TPRN: variants seen among roughly 807,000 people sequenced by gnomAD.
TPRN encodes the protein chromosome 9 open reading frame 75.
In TPRN, 32 loss-of-function variants were observed where a neutral mutation model predicts 42.6. The ratio of observed to expected loss-of-function variants is 0.75; its 90% CI spans 0.57 to 1.01. The LOEUF is 1.01. Among genes scored for constraint, TPRN ranks in the 50% least tolerant of loss-of-function variants. The pLI is 0.00. For synonymous variants in TPRN, 541 were observed against 445.6 expected (o/e 1.21, Z -2.70); for missense variants, 1,095 against 957.5 (o/e 1.14, Z -1.90).
At chr9:137,198,370 C>T (rs1210254539) in intron 1 of TPRN, among the ~76,000 whole-genome samples, 2 of 152,218 alleles carry the variant, frequency 1.3e-5, no homozygotes, top group Admixed American at 6.5e-5. Context: ...TCCGAAGGCC[C>T]CTTCTCCCCA....
In TPRN at chr9:137,200,175, C is replaced by A. The variant is rs1281710603; in HGVS notation, c.537G>T (p.Ala179=). 6.4e-6 allele frequency: 7 copies of A among 1,098,952 alleles called. No individual in the cohort carries two copies. In the African/African-American group the frequency reaches 1.0e-4, roughly 16 times the overall value. 68.1% of individuals were successfully genotyped at this position (1,098,952 alleles called of 1,614,324 possible). Residue 179 remains alanine (A), a synonymous_variant, in exon 1 of 4, where the codon GCG becomes GCT. Coordinates refer to ENST00000409012, the MANE Select transcript of TPRN (RefSeq NM_001128228.3). The surrounding 1 kb of genome is among the most constrained non-coding windows in gnomAD (Gnocchi z 4.3). ...TCGCCCCGCCACCGCGGGGCCCGGG[C>A]GCGGCGGGCGGGCTGGGGGCCGCGG... ...PPPAAPSPPA[A]PGPRGGGASP...
In TPRN at chr9:137,199,641, G is replaced by C; in HGVS notation, c.1071C>G (p.Asp357Glu). ...GRQSVELPKG[D>E]LGPASPSQEL... is the part of the protein sequence containing the mutation. ...CCTGGCTCGGGGAGGCCGGGCCCAG[G>C]TCTCCCTTTGGCAGCTCCACGGACT... Residue 357 changes from aspartate to glutamate, a missense_variant, in exon 1 of 4, where the codon GAC becomes GAG. Transcript: ENST00000409012. The C allele has an allele frequency of 1.3e-6, 2 of 1,571,582 alleles. No homozygotes were observed. The highest frequency in any genetic ancestry group is 2.7e-5 in the African/African-American group (2 of 74,036).
Position 137,192,575 on chromosome 9 carries a change from C to G in TPRN, c.1842G>C (p.Glu614Asp). 6.6e-7 allele frequency: 1 copy of G among 1,504,824 alleles called. No individual in the cohort carries two copies. 93.2% of individuals were successfully genotyped at this position (1,504,824 alleles called of 1,614,324 possible). The change falls in exon 2 of 4, where the codon GAG (glutamate) becomes GAC (aspartate). Residue 614 changes from glutamate to aspartate, a missense_variant. Coordinates refer to ENST00000409012, the MANE Select transcript of TPRN (RefSeq NM_001128228.3). ...ATCCCTCTTCCTCCTCTTCCTCTTCCTCCTCCTCCTCCTCCTCCTCCTCCT... is the reference window on the plus strand; with the variant it reads ...ATCCCTCTTCCTCCTCTTCCTCTTCGTCCTCCTCCTCCTCCTCCTCCTCCT... ...DQQEEEEEEE[E>D]EEEEEEEGSG...
chr9:137,192,204 A>C, intron 3 of TPRN, 30 bp from the exon 4 acceptor site: 1 of 1,613,340 alleles, frequency 6.2e-7, no homozygotes, highest in Non-Finnish European at 8.5e-7. Flanking sequence ...ATGTGGACAC[A>C]TGGGCTCGCC....
chr9:137,192,227 T>TC (rs771685382), intron 3 of TPRN, 32 bp downstream of exon 3: 2 of 1,612,934 alleles, frequency 1.2e-6, no homozygotes. Context: ...GGTGTCAGAC[T>TC]CCCCCCAGCG....
chr9:137,198,737 C>T (rs939677220), intron 1 of TPRN, among the ~76,000 whole-genome samples: 6 of 152,262 alleles, frequency 3.9e-5, no homozygotes, highest in African/African-American at 1.2e-4. Flanking sequence ...ATAGCACTGT[C>T]TGCCCTGTCG....
In TPRN at chr9:137,191,683, G is replaced by A. The variant is rs1834618706; in HGVS notation, c.*429C>T. 1 of 337,096 alleles carries A rather than the reference G, an allele frequency of 3.0e-6. No individual in the cohort carries two copies. Among genetic ancestry groups the A allele is most frequent in the African/African-American group, 2.1e-5 (1 of 46,868 alleles). 20.9% of individuals were successfully genotyped at this position (337,096 alleles called of 1,614,324 possible). On this transcript the variant is annotated 3_prime_UTR_variant, in exon 4 of 4. Coordinates refer to ENST00000409012, the MANE Select transcript of TPRN (RefSeq NM_001128228.3). ...AGGAAAGACGCCACTCATCACAGAG[G>A]GCATGTGGGCTGCGGGCAGGGGCTT...
chr9:137,192,706 C>T lies in TPRN; in HGVS notation c.1726-15G>A, dbSNP rs776941670. On this transcript the variant is annotated splice_polypyrimidine_tract_variant and intron_variant, in intron 1 of 3. Coordinates refer to ENST00000409012, the MANE Select transcript of TPRN (RefSeq NM_001128228.3). ...GAGATCTTCATCTGGGAGTGAGAGT[C>T]ACGTGAACGAGGGCTGAGGGCCCAC... 16 of 1,612,978 alleles carry T rather than the reference C, an allele frequency of 9.9e-6. No homozygotes were observed. In the South Asian group the frequency reaches 1.1e-4, roughly 11 times the overall value.
chr9:137,199,132 C>G lies in TPRN; in HGVS notation c.1580G>C (p.Arg527Pro), dbSNP rs765140443. The part of the protein sequence containing the change: ...FSQANREPRP[R>P]EAEEEEASCL... ...ACTAGCCTCCTCCTCCTCGGCCTCC[C>G]GTGGCCGAGGCTCCCTGTTGGCCTG... The change falls in exon 1 of 4, where the codon CGG (arginine) becomes CCG (proline). Residue 527 changes from arginine to proline, a missense_variant. Physicochemically the swap from Arg to Pro is moderately radical, Grantham distance 103. Coordinates refer to ENST00000409012, the MANE Select transcript of TPRN (RefSeq NM_001128228.3). The G allele has an allele frequency of 3.1e-6, 5 of 1,613,232 alleles. No homozygotes were observed. The Admixed American group carries it at 5.0e-5, about 16-fold the overall frequency.
chr9:137,192,991 A>G, intron 1 of TPRN: 1 of 457,352 alleles, frequency 2.2e-6, no homozygotes, highest in Non-Finnish European at 4.0e-6. Context: ...TCCTGGAGCT[A>G]CCATCTCAGG....
Position 137,200,036 on chromosome 9 carries a change from A to G in TPRN, c.676T>C (p.Ser226Pro). The G allele has an allele frequency of 6.9e-7, 1 of 1,440,548 alleles. No individual in the cohort carries two copies. The highest frequency in any genetic ancestry group is 9.1e-7 in the Non-Finnish European group (1 of 1,103,680). 89.2% of individuals were successfully genotyped at this position (1,440,548 alleles called of 1,614,324 possible). ...GGGCCGGCCCGGGGCTCAGGGGCCG[A>G]GTGCCCGTTGGAGAGCAGGCGGGCG... ...AGARLLSNGH[S>P]APEPRAGPAN... Residue 226 changes from serine (S) to proline (P), a missense_variant, in exon 1 of 4, where the codon TCG (serine) becomes CCG (proline). By Grantham distance (74) the Ser-to-Pro change is moderately conservative. Transcript: ENST00000409012. The surrounding 1 kb of genome is among the most constrained non-coding windows in gnomAD (Gnocchi z 4.3).
intron 1 of TPRN, 72 bp downstream of exon 1, chr9:137,198,915 G>T: frequency 6.2e-7 from 1 of 1,606,382 alleles, no homozygotes; most frequent in South Asian, 1.1e-5. Flanking sequence ...GATCAGGGCA[G>T]GTGCTGCCCC....
At chr9:137,198,919 C>A (rs1321323295) in intron 1 of TPRN, 68 bp downstream of exon 1, 22 of 1,607,036 alleles carry the variant, frequency 1.4e-5, no homozygotes, top group Non-Finnish European at 1.8e-5. Flanking sequence ...AGGGCAGGTG[C>A]TGCCCCCACA....
chr9:137,194,032 G>C (rs1421915946), intron 1 of TPRN: 1 of 152,248 alleles, frequency 6.6e-6, no homozygotes, highest in East Asian at 1.9e-4. Context: ...CAAACCCCCA[G>C]CTTCCCCTCT....
chr9:137,198,977 C>T lies in TPRN; in HGVS notation c.1725+10G>A, dbSNP rs79139547. ...CCCTGCCAGCCAGTGGCCCTGCCCC[C>T]ACCACTGACCTTCTTTCTTGAGGAG... On this transcript the variant is annotated intron_variant, in intron 1 of 3. Coordinates refer to ENST00000409012, the MANE Select transcript of TPRN (RefSeq NM_001128228.3). 1 of 1,612,698 alleles carries T rather than the reference C, an allele frequency of 6.2e-7. No individual in the cohort carries two copies. Among genetic ancestry groups the T allele is most frequent in the Non-Finnish European group, 8.5e-7 (1 of 1,179,924 alleles).
intron 1 of TPRN, chr9:137,194,960 C>T (rs1834684921): frequency 6.6e-6 from 1 of 152,414 alleles, no homozygotes; most frequent in African/African-American, 2.4e-5. Context: ...GCCCAGCCTC[C>T]CAGCAGAGCC....
chr9:137,197,523 A>G (rs1481850171), intron 1 of TPRN, among the ~76,000 whole-genome samples: 1 of 152,014 alleles, frequency 6.6e-6, no homozygotes, highest in Non-Finnish European at 1.5e-5. Context: ...AGAAACAGAA[A>G]CCTGAACTCC....
chr9:137,193,047 CTG>C (rs1834650589), intron 1 of TPRN: 1 of 326,818 alleles, frequency 3.1e-6, no homozygotes, highest in East Asian at 6.9e-5. Context: ...TGGGGGGAAA[CTG>C]GGGTGGACAC....
Position 137,200,684 on chromosome 9 carries a change from C to G in TPRN, c.28G>C (p.Gly10Arg). Residue 10 changes from glycine to arginine, a missense_variant, in exon 1 of 4, where the codon GGG becomes CGG. Physicochemically the swap from Gly to Arg is moderately radical, Grantham distance 125. Coordinates refer to ENST00000409012, the MANE Select transcript of TPRN (RefSeq NM_001128228.3). This position sits in a 1 kb window ranked among gnomAD's most constrained non-coding sequence, Gnocchi z 4.3. Reference protein sequence around the residue: MAALGRPGSGPRAAVPAWKR... With the variant: MAALGRPGSRPRAAVPAWKR... ...CAAGCGGGCACCGCAGCGCGCGGCC[C>G]CGAGCCCGGCCGCCCCAGGGCGGCC... 1.6e-6 allele frequency: 2 copies of G among 1,215,498 alleles called. No homozygotes were observed. Among genetic ancestry groups the G allele is most frequent in the Non-Finnish European group, 2.1e-6 (2 of 967,436 alleles). 75.3% of individuals were successfully genotyped at this position (1,215,498 alleles called of 1,614,324 possible).
Sources: allele counts gnomAD v4.1 joint callset (sites outside exome capture counted in the v4.1 genomes callset), GRCh38; gene constraint gnomAD v4.1.1; non-coding constraint Gnocchi (gnomAD v3.1); transcripts MANE v1.5; gene names NCBI Gene and HGNC (gene_info 2026-07-23, HGNC 2026-07-21).